The following SOX6 variants were observed in gnomAD, a reference collection of about 807,000 sequenced individuals.
SOX6 encodes SRY-box transcription factor 6.
SOX6 carries 11 observed loss-of-function variants against 97.8 expected under a neutral mutation model. That is an observed-to-expected ratio of 0.11 (90% CI 0.07 to 0.19). SOX6 has a LOEUF of 0.19. SOX6 is among the 10% of genes least tolerant of loss of function. The probability of loss-of-function intolerance (pLI) is 1.00; values close to 1 mark genes in which losing one functional copy is unlikely to be tolerated. For synonymous variants in SOX6, 360 were observed against 371.4 expected (o/e 0.97, Z 0.35); for missense variants, 810 against 1,039.5 (o/e 0.78, Z 3.04).
intron 4 of SOX6, among the ~76,000 whole-genome samples, chr11:16,231,407 T>A (rs1206132274): frequency 6.6e-6 from 1 of 151,738 alleles, no homozygotes; most frequent in Non-Finnish European, 1.5e-5. Context: ...TCACTAATAG[T>A]CAAAAAACTC....
At chr11:16,545,784 G>A (rs938745054) in intron 4 of SOX6, among the ~76,000 whole-genome samples, 12 of 151,928 alleles carry the variant, frequency 7.9e-5, no homozygotes, top group Admixed American at 1.3e-4. Context: ...AGATCTCATC[G>A]CTACAAAAAA....
intron 14 of SOX6, among the ~76,000 whole-genome samples, chr11:15,988,544 C>G (rs964658136): frequency 6.6e-6 from 1 of 152,172 alleles, no homozygotes; most frequent in Non-Finnish European, 1.5e-5. Flanking sequence ...TTGATGAATT[C>G]TTTCAGTGGG....
intron 1 of SOX6, among the ~76,000 whole-genome samples, chr11:16,428,805 G>A (rs1470138660): frequency 1.3e-5 from 2 of 152,148 alleles, no homozygotes; most frequent in Non-Finnish European, 2.9e-5. Flanking sequence ...ACTTGGAAAT[G>A]CAGGCTCTTT....
intron 4 of SOX6, among the ~76,000 whole-genome samples, chr11:16,489,137 C>A (rs1460191144): frequency 1.3e-5 from 2 of 152,080 alleles, no homozygotes; most frequent in East Asian, 1.9e-4. Context: ...GGGCATGGGA[C>A]AATAGGTAAA....
intron 4 of SOX6, among the ~76,000 whole-genome samples, chr11:16,516,705 G>C (rs1860980230): frequency 1.4e-5 from 2 of 147,908 alleles, no homozygotes; most frequent in South Asian, 4.4e-4. Context: ...CAACCAAAAA[G>C]AGTCCAGGAC....
chr11:16,063,472 G>A (rs1236800327), intron 9 of SOX6, among the ~76,000 whole-genome samples: 1 of 118,428 alleles, frequency 8.4e-6, no homozygotes, highest in Non-Finnish European at 1.7e-5. Context: ...GTGGTGTCAC[G>A]ATGTAACTAT....
At chr11:16,448,576 T>C (rs1420033279) in intron 1 of SOX6, among the ~76,000 whole-genome samples, 1 of 152,222 alleles carries the variant, frequency 6.6e-6, no homozygotes, top group African/African-American at 2.4e-5. Context: ...CACTTTCATA[T>C]GACTTTCTTC....
At chr11:16,702,944 A>G (rs2134042489) in intron 3 of SOX6, among the ~76,000 whole-genome samples, 1 of 149,618 alleles carries the variant, frequency 6.7e-6, no homozygotes, top group South Asian at 2.1e-4. Flanking sequence ...AATCCTTCAT[A>G]TGTATATATA....
At chr11:16,243,613 C>G (rs557209796) in intron 3 of SOX6, among the ~76,000 whole-genome samples, 9 of 151,800 alleles carry the variant, frequency 5.9e-5, no homozygotes, top group East Asian at 3.9e-4. Context: ...GCTCCACCCT[C>G]CCGAAAGAAG....
intron 1 of SOX6, among the ~76,000 whole-genome samples, chr11:16,350,636 T>C (rs1292840299): frequency 6.6e-6 from 1 of 152,114 alleles, no homozygotes; most frequent in Non-Finnish European, 1.5e-5. Flanking sequence ...ATAAAAAGTA[T>C]CAACGAGAGG....
At chr11:16,023,729 C>T (rs983468688) in intron 12 of SOX6, among the ~76,000 whole-genome samples, 2 of 152,048 alleles carry the variant, frequency 1.3e-5, no homozygotes, top group Admixed American at 6.6e-5. Flanking sequence ...TTAAAAAGGC[C>T]AATCTCTTAT....
At chr11:16,722,353 A>G (rs1456614913) in intron 2 of SOX6, among the ~76,000 whole-genome samples, 1 of 152,210 alleles carries the variant, frequency 6.6e-6, no homozygotes, top group Non-Finnish European at 1.5e-5. Context: ...AAACAACCCC[A>G]TTAAAAAGTG....
At chr11:16,006,373 A>T (rs1212255649) in intron 13 of SOX6, among the ~76,000 whole-genome samples, 1 of 152,080 alleles carries the variant, frequency 6.6e-6, no homozygotes, top group Non-Finnish European at 1.5e-5. Flanking sequence ...GCACTCCTTA[A>T]TATGGCACCC....
chr11:16,038,746 C>T (rs990483220), intron 12 of SOX6, among the ~76,000 whole-genome samples: 2 of 152,020 alleles, frequency 1.3e-5, no homozygotes, highest in Admixed American at 6.6e-5. Flanking sequence ...AAAAGTGTGT[C>T]TGTGGAATAA....
At chr11:16,330,963 A>G (rs1307062966) in intron 2 of SOX6, among the ~76,000 whole-genome samples, 1 of 152,196 alleles carries the variant, frequency 6.6e-6, no homozygotes, top group Non-Finnish European at 1.5e-5. Flanking sequence ...TGTCTTTTTG[A>G]CAATTTATGG....
intron 7 of SOX6, among the ~76,000 whole-genome samples, chr11:16,100,612 A>T (rs1848919287): frequency 6.6e-6 from 1 of 151,686 alleles, no homozygotes; most frequent in Non-Finnish European, 1.5e-5. Context: ...TTTTCATAGA[A>T]ACTGACATGA....
chr11:16,231,784 C>T (rs1852858910), intron 4 of SOX6, among the ~76,000 whole-genome samples: 1 of 151,632 alleles, frequency 6.6e-6, no homozygotes, highest in Non-Finnish European at 1.5e-5. Context: ...TCATTTTATG[C>T]AATACTTTCT....
intron 3 of SOX6, among the ~76,000 whole-genome samples, chr11:16,659,096 C>T (rs1274105262): frequency 6.6e-6 from 1 of 152,166 alleles, no homozygotes; most frequent in Admixed American, 6.5e-5. Flanking sequence ...GGTGCTGTAT[C>T]TAAAAAATCA....
At chr11:16,139,243 G>T (rs542053694) in intron 6 of SOX6, among the ~76,000 whole-genome samples, 7 of 152,156 alleles carry the variant, frequency 4.6e-5, no homozygotes, top group African/African-American at 1.7e-4. Flanking sequence ...GAGATACTTT[G>T]AGACTATGTG....
Sources: gnomAD v4.1 joint callset for allele counts (sites outside exome capture counted in the v4.1 genomes callset) on GRCh38, gnomAD v4.1.1 for gene constraint, MANE v1.5 for transcripts, NCBI Gene and HGNC (gene_info 2026-07-23, HGNC 2026-07-21) for gene names.